ARHGEF18: variants seen among roughly 807,000 people sequenced by gnomAD.
The protein encoded by ARHGEF18 is rho guanine nucleotide exchange factor 18.
ARHGEF18 carries 93 observed loss-of-function variants against 155.7 expected under a neutral mutation model. The observed-to-expected ratio is 0.60, with a 90% CI of 0.50 to 0.71. The LOEUF (loss-of-function observed/expected upper bound fraction) is 0.71. ARHGEF18 is among the 30% of genes least tolerant of loss of function. The pLI is 0.00. For missense variants in ARHGEF18, 1,593 were observed against 1,816.1 expected (o/e 0.88, Z 2.23); for synonymous variants, 742 against 753.1 (o/e 0.99, Z 0.24).
the ARHGEF18 span, chr19:7,478,505 C>T: frequency 2.2e-6 from 2 of 916,634 alleles, no homozygotes; most frequent in East Asian, 2.6e-5. Context: ...CCTCTCCCTG[C>T]CCCCACAGTC....
At chr19:7,387,908 ACCCACCTCAG>A (rs919987142) in intron 10 of ARHGEF18, among the ~76,000 whole-genome samples, 5 of 151,204 alleles carry the variant, frequency 3.3e-5, no homozygotes, top group African/African-American at 1.2e-4. Context: ...CAAGTGATAC[ACCCACCTCAG>A]CCTCCCAAAG....
At position 7,381,044 on chromosome 19, in the gene ARHGEF18, G is replaced by A. The variant is rs1970708952; in HGVS notation, c.722+50G>A. On this transcript the variant is annotated intron_variant, in intron 8 of 28. Transcript: ENST00000668164. Reference sequence around the variant, plus strand: ...GGAGGGCAGCCTTGGATTCGAACAAGTGTTTACAGATGGTCCTTTGGGCCA... The same window carrying A: ...GGAGGGCAGCCTTGGATTCGAACAAATGTTTACAGATGGTCCTTTGGGCCA... The A allele has an allele frequency of 2.5e-6, 3 of 1,214,924 alleles. No homozygotes were observed. The Admixed American group carries it at 1.3e-4, about 51-fold the overall frequency. 75.3% of individuals were successfully genotyped at this position (1,214,924 alleles called of 1,614,324 possible). A position where few individuals can be genotyped will look rare whatever the true frequency, so the allele number is the denominator to read the frequency against.
intron 10 of ARHGEF18, among the ~76,000 whole-genome samples, chr19:7,435,566 TGA>T (rs1974210856): frequency 6.6e-6 from 1 of 151,986 alleles, no homozygotes; most frequent in African/African-American, 2.4e-5. Context: ...GCCAGGAGTG[TGA>T]GAGCCCCATA....
intron 2 of ARHGEF18, among the ~76,000 whole-genome samples, chr19:7,367,995 GAGA>G (rs1568270600): frequency 7.3e-5 from 7 of 96,360 alleles, no homozygotes; most frequent in African/African-American, 1.8e-4. Context: ...GAGAGAGAGA[GAGA>G]GAGGGAGGGA....
chr19:7,455,658 G>A (rs963470347), intron 17 of ARHGEF18, among the ~76,000 whole-genome samples: 2 of 152,120 alleles, frequency 1.3e-5, no homozygotes, highest in South Asian at 2.1e-4. Context: ...GTATTAGTCC[G>A]TGTTCATGCT....
chr19:7,415,191 A>G (rs12986081), intron 10 of ARHGEF18, among the ~76,000 whole-genome samples: 83,094 of 151,806 alleles, frequency 0.55, 23,255 homozygotes, highest in Middle Eastern at 0.74. Flanking sequence ...AGGCAGCTCC[A>G]TTAAACCACC....
chr19:7,443,351 G>A (rs1287283371), intron 13 of ARHGEF18, among the ~76,000 whole-genome samples: 1 of 152,042 alleles, frequency 6.6e-6, no homozygotes, highest in Non-Finnish European at 1.5e-5. Context: ...CACCATGCCC[G>A]GCCATGCCCG....
intron 10 of ARHGEF18, among the ~76,000 whole-genome samples, chr19:7,436,655 C>T (rs1974276864): frequency 6.6e-6 from 1 of 152,150 alleles, no homozygotes; most frequent in Admixed American, 6.6e-5. Flanking sequence ...GTCAAGACCT[C>T]AGTCCACAAG....
intron 2 of ARHGEF18, among the ~76,000 whole-genome samples, chr19:7,367,826 T>TACACATATATATAC (rs1969974534): frequency 8.1e-6 from 1 of 123,476 alleles, no homozygotes; most frequent in Non-Finnish European, 1.5e-5. Context: ...TATATATATA[T>TACACATATATATAC]ACACATATAT....
At position 7,466,959 on chromosome 19, in the gene ARHGEF18, C is replaced by A; in HGVS notation, c.2946C>A (p.Thr982=). ...PGTESDPRLP[T]VLESELVQRI... is the part of the protein sequence containing the mutation. ...CGGAATCCGATCCCCGTCTGCCCAC[C>A]GTCCTGGAGTCGGAGGTAGGCGCCC... The change falls in exon 24 of 29, where the codon ACC becomes ACA. Residue 982 remains threonine, a synonymous_variant. Coordinates refer to ENST00000668164, the MANE Select transcript of ARHGEF18 (RefSeq NM_001367823.1). 1 of 1,613,494 alleles carries A rather than the reference C, an allele frequency of 6.2e-7. No homozygotes were observed. Among genetic ancestry groups the A allele is most frequent in the South Asian group, 1.1e-5 (1 of 91,084 alleles).
At chr19:7,381,409 G>A (rs141055390) in intron 8 of ARHGEF18, among the ~76,000 whole-genome samples, 1,668 of 152,204 alleles carry the variant, frequency 0.011, 31 homozygotes, top group African/African-American at 0.037. Flanking sequence ...TGGGTGCGGT[G>A]GCTCACGCCT....
At chr19:7,435,868 C>T (rs1397663777) in intron 10 of ARHGEF18, among the ~76,000 whole-genome samples, 2 of 152,180 alleles carry the variant, frequency 1.3e-5, no homozygotes, top group Non-Finnish European at 2.9e-5. Context: ...GAGTCTTGCT[C>T]TGTCACCCAG....
intron 1 of ARHGEF18, among the ~76,000 whole-genome samples, chr19:7,362,055 G>A (rs1600182796): frequency 2.8e-5 from 1 of 35,454 alleles, no homozygotes; most frequent in East Asian, 9.8e-4. Flanking sequence ...AGGAGAAGGA[G>A]AAGGAGAAGG....
At chr19:7,467,001 C>T (rs746052368) in intron 24 of ARHGEF18, 27 bp downstream of exon 24, 21 of 1,613,210 alleles carry the variant, frequency 1.3e-5, no homozygotes, top group Admixed American at 1.0e-4. Flanking sequence ...CTCCATCTCC[C>T]CAGGGCCTTG....
intron 10 of ARHGEF18, among the ~76,000 whole-genome samples, chr19:7,399,749 G>C (rs1971931843): frequency 6.6e-6 from 1 of 150,962 alleles, no homozygotes; most frequent in South Asian, 2.1e-4. Context: ...AAAGTGCTGG[G>C]ATTACAGGCG....
chr19:7,458,528 T>C lies in ARHGEF18; in HGVS notation c.2198T>C (p.Val733Ala). ...CTCATGCAGGACTCAAAGCCACCCG[T>C]CATCTCGTTACAAAAGCTCATCGTG... ...VFASVDSKPP[V>A]ISLQKLIVRE... is the part of the protein sequence containing the mutation. The change falls in exon 19 of 29, where the codon GTC (valine) becomes GCC (alanine). Residue 733 changes from valine (V) to alanine (A), a missense_variant. Val to Ala is a moderately conservative substitution (Grantham distance 64, BLOSUM62 0). Coordinates refer to ENST00000668164, the MANE Select transcript of ARHGEF18 (RefSeq NM_001367823.1). 6.2e-7 allele frequency: 1 copy of C among 1,613,988 alleles called. No individual in the cohort carries two copies. Among genetic ancestry groups the C allele is most frequent in the South Asian group, 1.1e-5 (1 of 91,076 alleles).
At chr19:7,353,590 CAAA>C (rs61068862) in intron 1 of ARHGEF18, among the ~76,000 whole-genome samples, 1 of 104,156 alleles carries the variant, frequency 9.6e-6, no homozygotes. Flanking sequence ...AACTCCATCT[CAAA>C]AAAAAAAAAG....
chr19:7,479,140 T>TG, the ARHGEF18 span, among the ~76,000 whole-genome samples: 2 of 152,268 alleles, frequency 1.3e-5, no homozygotes, highest in Non-Finnish European at 2.9e-5. Flanking sequence ...GGGAGCCTCC[T>TG]GGGGGGCTAG....
chr19:7,469,352 C>A (rs1976871147), intron 27 of ARHGEF18, among the ~76,000 whole-genome samples: 1 of 152,218 alleles, frequency 6.6e-6, no homozygotes, highest in Non-Finnish European at 1.5e-5. Flanking sequence ...TCCACCTCAA[C>A]CCTCAAAACA....
Sources: allele counts gnomAD v4.1 joint callset (sites outside exome capture counted in the v4.1 genomes callset), GRCh38; gene constraint gnomAD v4.1.1; transcripts MANE v1.5; gene names NCBI Gene and HGNC (gene_info 2026-07-23, HGNC 2026-07-21).